NHSL3: variants seen among roughly 807,000 people sequenced by gnomAD.
NHSL3 encodes the protein NHS like 3, also known as NHS-like protein 3.
At chr1:32,765,871 C>T in the NHSL3 span, 6 of 1,497,544 alleles carry the variant, frequency 4.0e-6, no homozygotes, top group East Asian at 1.2e-4. Flanking sequence ...TGCTCGATGC[C>T]TCCCTTTCCC....
chr1:32,767,115 T>C, the NHSL3 span, among the ~76,000 whole-genome samples: 3 of 152,214 alleles, frequency 2.0e-5, no homozygotes, highest in Non-Finnish European at 4.4e-5. Context: ...GGGAATATGG[T>C]TGTAACTCAT....
the NHSL3 span, chr1:32,768,739 G>A: frequency 2.5e-6 from 4 of 1,614,108 alleles, no homozygotes; most frequent in East Asian, 2.2e-5. Flanking sequence ...AGCAGAGGAC[G>A]CGCTCTCCAT....
chr1:32,765,350 G>A, the NHSL3 span, among the ~76,000 whole-genome samples: 98,585 of 149,828 alleles, frequency 0.66, 32,277 homozygotes, highest in East Asian at 0.8. Context: ...GCTTGCAGGT[G>A]GGCACCCTGC....
At chr1:32,752,396 A>G in the NHSL3 span, among the ~76,000 whole-genome samples, 2 of 152,092 alleles carry the variant, frequency 1.3e-5, no homozygotes, top group Non-Finnish European at 2.9e-5. Context: ...TCTAGAACTG[A>G]GGGCTCTAGA....
At chr1:32,750,874 T>C in the NHSL3 span, among the ~76,000 whole-genome samples, 25 of 150,832 alleles carry the variant, frequency 1.7e-4, no homozygotes, top group African/African-American at 5.9e-4. Flanking sequence ...TGCAGTGGTG[T>C]GATCTCAGCT....
At chr1:32,754,005 C>A in the NHSL3 span, 2 of 447,996 alleles carry the variant, frequency 4.5e-6, no homozygotes, top group Non-Finnish European at 8.0e-6. Flanking sequence ...CCGCGAGTCT[C>A]GCTGCCTCCC....
chr1:32,769,840 C>T, the NHSL3 span: 2 of 1,610,590 alleles, frequency 1.2e-6, no homozygotes, highest in African/African-American at 2.7e-5. Flanking sequence ...CCTTGGTCAT[C>T]CCCTCTCTGC....
At chr1:32,765,716 C>A in the NHSL3 span, 4 of 1,544,640 alleles carry the variant, frequency 2.6e-6, no homozygotes, top group Non-Finnish European at 2.6e-6. Context: ...GCCCCGCGCT[C>A]TGCTCTGGAG....
At chr1:32,762,645 A>G in the NHSL3 span, among the ~76,000 whole-genome samples, 1 of 152,022 alleles carries the variant, frequency 6.6e-6, no homozygotes, top group Admixed American at 6.6e-5. Flanking sequence ...CTGGAATGCA[A>G]TGGCTGCGAT....
chr1:32,758,749 A>G, the NHSL3 span, among the ~76,000 whole-genome samples: 1 of 152,246 alleles, frequency 6.6e-6, no homozygotes, highest in African/African-American at 2.4e-5. Context: ...CCCCTGCCAC[A>G]TCTCAGATGA....
chr1:32,769,609 T>G, the NHSL3 span: 2 of 1,211,460 alleles, frequency 1.7e-6, no homozygotes, highest in African/African-American at 1.5e-5. Flanking sequence ...ACAAAAGTAG[T>G]GCCCTGCAGA....
chr1:32,769,995 G>A, the NHSL3 span: 1 of 1,605,812 alleles, frequency 6.2e-7, no homozygotes, highest in Non-Finnish European at 8.5e-7. Flanking sequence ...TGGGGGCCCG[G>A]GTGTCCCTGC....
chr1:32,759,115 C>G, the NHSL3 span, among the ~76,000 whole-genome samples: 3 of 152,154 alleles, frequency 2.0e-5, no homozygotes, highest in Non-Finnish European at 4.4e-5. Context: ...TCTGCCATTT[C>G]TAGCAGTGTG....
chr1:32,753,989 G>T, the NHSL3 span: 72 of 395,074 alleles, frequency 1.8e-4, 1 homozygote, highest in African/African-American at 5.2e-4. Flanking sequence ...CGCCCGCGGT[G>T]CCCGCCCGCG....
chr1:32,771,041 C>A, the NHSL3 span: 1 of 1,613,392 alleles, frequency 6.2e-7, no homozygotes, highest in Non-Finnish European at 8.5e-7. Context: ...TCTCTTCGCT[C>A]CCCTGGGGCC....
the NHSL3 span, chr1:32,765,750 C>T: frequency 1.9e-6 from 3 of 1,547,152 alleles, no homozygotes; most frequent in Admixed American, 2.0e-5. Flanking sequence ...TAGGGAACGT[C>T]TCGAGTGGCG....
chr1:32,750,352 A>G, the NHSL3 span, among the ~76,000 whole-genome samples: 1 of 152,178 alleles, frequency 6.6e-6, no homozygotes, highest in African/African-American at 2.4e-5. Flanking sequence ...GGGGCGATAG[A>G]GACAGCTCAG....
the NHSL3 span, chr1:32,771,150 G>A: frequency 1.9e-6 from 3 of 1,612,362 alleles, no homozygotes; most frequent in Middle Eastern, 1.7e-4. Flanking sequence ...TGGGTGACAG[G>A]TTTGTCATAC....
the NHSL3 span, among the ~76,000 whole-genome samples, chr1:32,760,806 G>A: frequency 6.6e-6 from 1 of 152,118 alleles, no homozygotes; most frequent in Non-Finnish European, 1.5e-5. Flanking sequence ...GGCCAGGCTG[G>A]TCTTGAACTC....
Sources: allele counts gnomAD v4.1 joint callset (sites outside exome capture counted in the v4.1 genomes callset), GRCh38; gene constraint gnomAD v4.1.1; transcripts MANE v1.5; gene names NCBI Gene and HGNC (gene_info 2026-07-23, HGNC 2026-07-21).